The following RAB3C variants were observed in gnomAD, a reference collection of about 807,000 sequenced individuals.
RAB3C encodes RAB3C, member RAS oncogene family, also known as ras-related protein Rab-3C.
Under a neutral mutation model 26.4 loss-of-function variants are expected in RAB3C, and 17 were observed. The ratio of observed to expected loss-of-function variants is 0.64; its 90% CI spans 0.44 to 0.97. The LOEUF (loss-of-function observed/expected upper bound fraction) is 0.97. RAB3C is among the 50% of genes least tolerant of loss of function. RAB3C has a pLI of 0.00. For missense variants in RAB3C, 242 were observed against 281.9 expected (o/e 0.86, Z 1.01); for synonymous variants, 91 against 95.9 (o/e 0.95, Z 0.30).
chr5:58,734,359 A>G (rs1001357207), intron 3 of RAB3C, among the ~76,000 whole-genome samples: 1 of 152,186 alleles, frequency 6.6e-6, no homozygotes, highest in Admixed American at 6.5e-5. Context: ...ATCTAGCTCA[A>G]GGCTCCTATC....
chr5:58,728,711 G>A (rs1172152917), intron 3 of RAB3C, among the ~76,000 whole-genome samples: 1 of 152,004 alleles, frequency 6.6e-6, no homozygotes, highest in Non-Finnish European at 1.5e-5. Flanking sequence ...AGATACACGG[G>A]CATATGAATT....
chr5:58,792,487 A>G (rs994086295), intron 3 of RAB3C, among the ~76,000 whole-genome samples: 1 of 152,200 alleles, frequency 6.6e-6, no homozygotes, highest in South Asian at 2.1e-4. Context: ...TGGAAACAAA[A>G]GAGAGGAGAG....
intron 4 of RAB3C, among the ~76,000 whole-genome samples, chr5:58,838,667 A>C (rs1291380619): frequency 1.3e-5 from 2 of 152,156 alleles, no homozygotes; most frequent in South Asian, 4.1e-4. Flanking sequence ...TGTATTCTGC[A>C]GCTGTTGTGT....
chr5:58,760,550 C>T (rs1561121642), intron 3 of RAB3C, among the ~76,000 whole-genome samples: 1 of 152,206 alleles, frequency 6.6e-6, no homozygotes, highest in Admixed American at 6.5e-5. Context: ...AAACACTTAA[C>T]TGAATATCAC....
At chr5:58,655,746 A>G (rs292973) in intron 2 of RAB3C, among the ~76,000 whole-genome samples, 21,638 of 151,516 alleles carry the variant, frequency 0.14, 1,929 homozygotes, top group Middle Eastern at 0.23. Context: ...CACCTGTTAA[A>G]AAGAAAAGGG....
chr5:58,706,024 T>G (rs555898736), intron 2 of RAB3C, among the ~76,000 whole-genome samples: 4 of 152,330 alleles, frequency 2.6e-5, no homozygotes, highest in African/African-American at 9.6e-5. Flanking sequence ...GTTGATGTTT[T>G]TCTGATGGTT....
At chr5:58,794,603 C>T (rs1365373688) in intron 3 of RAB3C, 1 of 151,906 alleles carries the variant, frequency 6.6e-6, no homozygotes, top group East Asian at 1.9e-4. Context: ...TATTCAGTTT[C>T]ATCATGTAAG....
rs1744231589 is a variant in RAB3C at position 58,855,271 on chromosome 5, T to TA, written c.*3926dup. On this transcript the variant is annotated 3_prime_UTR_variant, in exon 5 of 5. Coordinates refer to ENST00000282878, the MANE Select transcript of RAB3C (RefSeq NM_138453.4). ...AAAACTGTGATATGAATCTTATTTA[T>TA]AAAAAAGTCATAACTAAAACCCTTC... 6.6e-6 allele frequency: 1 copy of TA among 152,238 alleles called. No homozygotes were observed. The highest frequency in any genetic ancestry group is 6.5e-5 in the Admixed American group (1 of 15,270). The allele number at this position is 152,238 out of a possible 1,614,324, so 9.4% of individuals were successfully genotyped here. A position where few individuals can be genotyped will look rare whatever the true frequency, so the allele number is the denominator to read the frequency against.
intron 1 of RAB3C, among the ~76,000 whole-genome samples, chr5:58,585,723 T>C (rs1745996453): frequency 6.6e-6 from 1 of 152,136 alleles, no homozygotes; most frequent in African/African-American, 2.4e-5. Context: ...GGTAGTTATC[T>C]TTGATATGTG....
At chr5:58,797,372 T>A (rs1391003967) in intron 3 of RAB3C, among the ~76,000 whole-genome samples, 1,758 of 63,886 alleles carry the variant, frequency 0.028, 118 homozygotes, top group African/African-American at 0.081. Context: ...ATATATAATA[T>A]ATATATATAT....
intron 3 of RAB3C, among the ~76,000 whole-genome samples, chr5:58,727,028 G>A (rs1740904564): frequency 6.6e-6 from 1 of 151,942 alleles, no homozygotes; most frequent in Non-Finnish European, 1.5e-5. Context: ...GGCTAGGACT[G>A]ACTGAAGAAA....
chr5:58,637,749 A>G (rs1747320237), intron 2 of RAB3C, among the ~76,000 whole-genome samples: 1 of 152,174 alleles, frequency 6.6e-6, no homozygotes, highest in South Asian at 2.1e-4. Context: ...TGCAAATACA[A>G]AAAGTAGAAA....
At chr5:58,593,854 G>T (rs1040982622) in intron 1 of RAB3C, among the ~76,000 whole-genome samples, 6 of 152,148 alleles carry the variant, frequency 3.9e-5, no homozygotes, top group African/African-American at 1.4e-4. Flanking sequence ...AAGGGTCAGT[G>T]GTTCCTTGCT....
chr5:58,652,070 G>A (rs920777308), intron 2 of RAB3C, among the ~76,000 whole-genome samples: 1 of 151,966 alleles, frequency 6.6e-6, no homozygotes, highest in South Asian at 2.1e-4. Flanking sequence ...TGGATCTGGA[G>A]GGCAGGCTGT....
At chr5:58,823,646 G>A (rs934159415) in intron 3 of RAB3C, 1 of 209,386 alleles carries the variant, frequency 4.8e-6, no homozygotes, top group Admixed American at 4.2e-5. Context: ...CCCATGCCCA[G>A]AAGAAAGATC....
chr5:58,797,368 A>ATATATATATATATATATAT (rs1464292932), intron 3 of RAB3C, among the ~76,000 whole-genome samples: 1 of 22,808 alleles, frequency 4.4e-5, no homozygotes, highest in African/African-American at 1.5e-4. Flanking sequence ...GTATATATAT[A>ATATATATATATATATATAT]ATATATATAT....
chr5:58,824,814 T>C (rs962521112), intron 3 of RAB3C, among the ~76,000 whole-genome samples: 1 of 152,152 alleles, frequency 6.6e-6, no homozygotes, highest in African/African-American at 2.4e-5. Context: ...AAAAGAATTA[T>C]TAGTACACCA....
intron 2 of RAB3C, among the ~76,000 whole-genome samples, chr5:58,646,657 T>C (rs932365744): frequency 2.0e-5 from 3 of 152,170 alleles, no homozygotes; most frequent in African/African-American, 7.2e-5. Context: ...GGGCACACAG[T>C]GAAAATAGAG....
In RAB3C at chr5:58,776,394, C is replaced by G. The variant is rs190426995; in HGVS notation, c.372-48644C>G. The stretch of plus-strand genomic sequence containing the variant: ...TTCTGCCTTTATGTTCTCATCTGAG[C>G]CTATGCATCAAGGGTGGTTCTTTTA... On this transcript the variant is annotated intron_variant, in intron 3 of 4. Coordinates refer to ENST00000282878, the MANE Select transcript of RAB3C (RefSeq NM_138453.4). Among the ~76,000 whole-genome samples, 21 of 152,186 alleles carry G rather than the reference C, an allele frequency of 1.4e-4. No homozygotes were observed. In the East Asian group the frequency reaches 4.1e-3, roughly 29 times the overall value.
Sources: gnomAD v4.1 joint callset for allele counts (sites outside exome capture counted in the v4.1 genomes callset) on GRCh38, gnomAD v4.1.1 for gene constraint, MANE v1.5 for transcripts, NCBI Gene and HGNC (gene_info 2026-07-23, HGNC 2026-07-21) for gene names.